Variants in TOP1MT observed in about 807,000 individuals in gnomAD.
TOP1MT encodes the protein DNA topoisomerase I, mitochondrial.
TOP1MT carries 80 observed loss-of-function variants against 73.9 expected under a neutral mutation model. That is an observed-to-expected ratio of 1.08 (90% CI 0.90 to 1.30). The LOEUF is 1.30. TOP1MT is among the 50% of genes most tolerant of loss of function. The pLI is 0.00. For synonymous variants in TOP1MT, 338 were observed against 326.4 expected (o/e 1.04, Z -0.38); for missense variants, 815 against 808.0 (o/e 1.01, Z -0.10).
chr8:143,332,742 C>G (rs945864095), intron 1 of TOP1MT: 2 of 418,976 alleles, frequency 4.8e-6, no homozygotes, highest in Non-Finnish European at 8.9e-6. Context: ...CAAGAACCTT[C>G]CAGGGTGGAG....
At chr8:143,334,306 G>A (rs958108122) in intron 1 of TOP1MT, 1 of 155,812 alleles carries the variant, frequency 6.4e-6, no homozygotes, top group African/African-American at 2.4e-5. Flanking sequence ...AGATATGACA[G>A]TGAGCGCCCG....
rs575131251 is a variant in TOP1MT, at chr8:143,317,722, C to T, written c.1330+1G>A. 1 of 1,612,888 alleles carries T rather than the reference C, an allele frequency of 6.2e-7. No homozygotes were observed. The highest frequency in any genetic ancestry group is 1.3e-5 in the African/African-American group (1 of 75,040). On this transcript the variant is annotated splice_donor_variant, in intron 10 of 13. Transcript: ENST00000329245. LOFTEE classifies it high-confidence loss of function. The stretch of plus-strand genomic sequence containing the variant: ...TGAGTGTGGGTGTGGGGCAGGCTCA[C>T]CGCGCGTCAGGGCCCGCAGCTGCTC...
upstream of TOP1MT, among the ~76,000 whole-genome samples, chr8:143,339,654 C>G (rs1469788354): frequency 6.6e-6 from 1 of 152,156 alleles, no homozygotes; most frequent in Admixed American, 6.5e-5. Flanking sequence ...CTACAGTGGG[C>G]AGGCAAAGGC....
At position 143,316,204 on chromosome 8, in the gene TOP1MT, C is replaced by T. The variant is rs548506548; in HGVS notation, c.1331-78G>A. On this transcript the variant is annotated intron_variant, in intron 10 of 13. Transcript: ENST00000329245. ...TGTCTGCCCTGAGCCGGCCTTAACG[C>T]GCCACACAGCGCAGCCCCTTCCACT... 2.9e-5 allele frequency: 46 copies of T among 1,600,082 alleles called. No homozygotes were observed. In the East Asian group the frequency reaches 4.5e-4, roughly 16 times the overall value.
At chr8:143,358,084 C>T (rs1271783843), upstream of TOP1MT, among the ~76,000 whole-genome samples, 1 of 152,140 alleles carries the variant, frequency 6.6e-6, no homozygotes, top group East Asian at 1.9e-4. Flanking sequence ...GACTCTGTCT[C>T]TACACAAAAG....
chr8:143,324,711 G>A (rs12680498), intron 5 of TOP1MT, 82 bp from the exon 6 acceptor site: 675,438 of 1,514,870 alleles, frequency 0.45, 160,202 homozygotes, highest in East Asian at 0.7. Context: ...CTGGTCAACC[G>A]TCCCACGTGG....
chr8:143,329,503 G>A (rs1586769222), intron 2 of TOP1MT, 32 bp from the exon 3 acceptor site: 3 of 1,592,100 alleles, frequency 1.9e-6, no homozygotes, highest in Middle Eastern at 3.3e-4. Context: ...TCGTATGAGA[G>A]AGCGGCCAGA....
intron 3 of TOP1MT, chr8:143,328,112 T>C (rs1816754518): frequency 2.5e-6 from 1 of 403,152 alleles, no homozygotes; most frequent in African/African-American, 2.1e-5. Context: ...AGAACGCAAA[T>C]AGAAACTACA....
intron 12 of TOP1MT, among the ~76,000 whole-genome samples, chr8:143,312,741 T>C (rs951523411): frequency 3.9e-5 from 6 of 152,210 alleles, no homozygotes; most frequent in Admixed American, 2.6e-4. Flanking sequence ...AGGCATATGA[T>C]TGGAAAAGAA....
intron 7 of TOP1MT, among the ~76,000 whole-genome samples, chr8:143,323,385 CCA>C (rs1265193926): frequency 7.8e-5 from 10 of 127,914 alleles, no homozygotes; most frequent in Admixed American, 1.6e-4. Flanking sequence ...CAGATGCATG[CCA>C]CACACACAGG....
chr8:143,312,391 C>T (rs1018251057), intron 12 of TOP1MT, among the ~76,000 whole-genome samples: 1 of 152,026 alleles, frequency 6.6e-6, no homozygotes, highest in African/African-American at 2.4e-5. Context: ...GGATTTATCC[C>T]AGGAATGCAA....
chr8:143,322,643 C>CACACCACACACACACGCCA (rs1554620366), intron 7 of TOP1MT, among the ~76,000 whole-genome samples: 1 of 54,972 alleles, frequency 1.8e-5, no homozygotes, highest in African/African-American at 9.9e-5. Context: ...CACACACACG[C>CACACCACACACACACGCCA]CACACGCACA....
At chr8:143,324,695 G>A in intron 5 of TOP1MT, 66 bp from the exon 6 acceptor site, 1 of 1,572,286 alleles carries the variant, frequency 6.4e-7, no homozygotes, top group South Asian at 1.1e-5. Context: ...AGCAAAAGGA[G>A]CTGCTCTGGT....
intron 1 of TOP1MT, chr8:143,350,199 A>G (rs1304676441): frequency 6.6e-6 from 1 of 152,276 alleles, no homozygotes; most frequent in Non-Finnish European, 1.5e-5. Context: ...ACATACGCTA[A>G]AAGTGGAACA....
chr8:143,334,788 G>T lies in TOP1MT; in HGVS notation c.74C>A (p.Ser25Tyr). The T allele has an allele frequency of 6.3e-7, 1 of 1,587,824 alleles. No individual in the cohort carries two copies. Among genetic ancestry groups the T allele is most frequent in the Non-Finnish European group, 8.5e-7 (1 of 1,169,982 alleles). The change falls in exon 1 of 14, where the codon TCC (serine) becomes TAC (tyrosine). Residue 25 changes from serine (S) to tyrosine (Y), a missense_variant. By Grantham distance (144) the Ser-to-Tyr change is moderately radical. Around this residue, in one of 3 missense-constraint regions of TOP1MT, gnomAD observed 60 missense variants for 65.9 expected, o/e 0.91. Transcript: ENST00000329245. ...LLGEVPRRPA[S>Y]RGVPGSRRTQ... is the part of the protein sequence containing the mutation. ...CCTGCGCGAGCCCGGGACACCCCGG[G>T]AGGCCGGGCGGCGGGGGACCTCCCC...
chr8:143,349,511 C>T (rs765253129), upstream of TOP1MT, among the ~76,000 whole-genome samples: 4 of 152,206 alleles, frequency 2.6e-5, no homozygotes, highest in Non-Finnish European at 5.9e-5. Context: ...GGTAACATTT[C>T]TCTTTCCAAT....
upstream of TOP1MT, among the ~76,000 whole-genome samples, chr8:143,349,877 T>A (rs139457742): frequency 2.5e-3 from 379 of 152,164 alleles, 1 homozygote; most frequent in African/African-American, 8.7e-3. Context: ...CTGACCTCAA[T>A]TGATCTGCCC....
upstream of TOP1MT, among the ~76,000 whole-genome samples, chr8:143,348,725 T>C (rs1817271789): frequency 6.6e-6 from 1 of 152,088 alleles, no homozygotes; most frequent in Non-Finnish European, 1.5e-5. This position sits in a 1 kb window ranked among gnomAD's most constrained non-coding sequence, Gnocchi z 4.6. Flanking sequence ...CTCTGCAGGC[T>C]GTGAGGATGA....
chr8:143,343,116 G>C (rs1817161452), intron 2 of TOP1MT: 3 of 449,888 alleles, frequency 6.7e-6, no homozygotes, highest in African/African-American at 6.0e-5. Flanking sequence ...AAGTTCATTT[G>C]TGTTGTCATA....
Sources: gnomAD v4.1 joint callset for allele counts (sites outside exome capture counted in the v4.1 genomes callset) on GRCh38, gnomAD v4.1.1 for gene constraint, gnomAD v4.1.1 regional missense constraint, Gnocchi (gnomAD v3.1) non-coding constraint, MANE v1.5 for transcripts, NCBI Gene and HGNC (gene_info 2026-07-23, HGNC 2026-07-21) for gene names.